The following GPC6 variants were observed in gnomAD, a reference collection of about 807,000 sequenced individuals.
GPC6 encodes the protein glypican 6, also known as glypican-6.
Under a neutral mutation model 55.2 loss-of-function variants are expected in GPC6, and 14 were observed. The ratio of observed to expected loss-of-function variants is 0.25; its 90% CI spans 0.17 to 0.40. The LOEUF (loss-of-function observed/expected upper bound fraction) is 0.40. GPC6 is among the 10% of genes least tolerant of loss of function. The probability of loss-of-function intolerance (pLI) is 1.00; values close to 1 mark genes in which losing one functional copy is unlikely to be tolerated. For synonymous variants in GPC6, 278 were observed against 259.6 expected (o/e 1.07, Z -0.68); for missense variants, 641 against 708.5 (o/e 0.90, Z 1.08).
Position 93,922,680 on chromosome 13 carries a change from T to C in GPC6, c.711+92135T>C, listed in dbSNP as rs116394188. Among the ~76,000 whole-genome samples the C allele has an allele frequency of 5.1e-3, 771 of 152,320 alleles. 7 individuals carry two copies. The highest frequency in any genetic ancestry group is 0.018 in the African/African-American group (736 of 41,568). Reference sequence around the variant, plus strand: ...AAATCTAAATTTACATAAAGATACATATGGCTAAAATGCATATAATTTTTG... The same window carrying C: ...AAATCTAAATTTACATAAAGATACACATGGCTAAAATGCATATAATTTTTG... On this transcript the variant is annotated intron_variant, in intron 3 of 8. Transcript: ENST00000377047.
intron 4 of GPC6, among the ~76,000 whole-genome samples, chr13:94,036,715 C>G (rs1212711313): frequency 2.0e-5 from 3 of 151,978 alleles, no homozygotes; most frequent in Non-Finnish European, 4.4e-5. Context: ...CTGAATGAAT[C>G]CCGGCAGTGA....
At chr13:93,217,161 T>C in the GPC6 span, among the ~76,000 whole-genome samples, 1 of 152,236 alleles carries the variant, frequency 6.6e-6, no homozygotes, top group Non-Finnish European at 1.5e-5. Flanking sequence ...TGTGATTCAT[T>C]AAGCTCTCAT....
intron 2 of GPC6, among the ~76,000 whole-genome samples, chr13:93,578,153 G>A (rs1157983061): frequency 1.3e-5 from 2 of 152,034 alleles, no homozygotes; most frequent in African/African-American, 2.4e-5. Flanking sequence ...ATATTGGCCT[G>A]CAGTTTTCTT....
rs182995794 is a variant in GPC6 at position 93,725,106 on chromosome 13, T to C, written c.320-105048T>C. Among the ~76,000 whole-genome samples the C allele has an allele frequency of 7.2e-5, 11 of 152,206 alleles. No individual in the cohort carries two copies. The East Asian group carries it at 1.9e-3, about 27-fold the overall frequency. The stretch of plus-strand genomic sequence containing the variant: ...TACCTAAAGAAGCTAGGTTTAGTCA[T>C]TTTTAATTGACTTTAAGTTATAAAA... On this transcript the variant is annotated intron_variant, in intron 2 of 8. Transcript: ENST00000377047.
chr13:93,240,219 T>G (rs918345810), intron 1 of GPC6, among the ~76,000 whole-genome samples: 1 of 152,122 alleles, frequency 6.6e-6, no homozygotes, highest in Non-Finnish European at 1.5e-5. Flanking sequence ...GCTAGTGTTG[T>G]GTTGAAGTCC....
chr13:94,282,452 A>T (rs1892411723), intron 4 of GPC6, among the ~76,000 whole-genome samples: 1 of 152,192 alleles, frequency 6.6e-6, no homozygotes, highest in Non-Finnish European at 1.5e-5. Flanking sequence ...TGATTCAATT[A>T]TCTCCCACTA....
At chr13:93,733,906 T>C (rs1883910633) in intron 2 of GPC6, among the ~76,000 whole-genome samples, 2 of 152,176 alleles carry the variant, frequency 1.3e-5, no homozygotes, top group South Asian at 4.1e-4. Flanking sequence ...TCTTTGCTCT[T>C]CTTCTTAGTT....
At chr13:94,181,565 C>A (rs1477875848) in intron 4 of GPC6, among the ~76,000 whole-genome samples, 1 of 152,118 alleles carries the variant, frequency 6.6e-6, no homozygotes, top group Non-Finnish European at 1.5e-5. Flanking sequence ...GACAGTCAGG[C>A]CCCAACAATT....
intron 1 of GPC6, among the ~76,000 whole-genome samples, chr13:93,464,090 A>G (rs1023579581): frequency 3.9e-5 from 6 of 152,192 alleles, no homozygotes; most frequent in South Asian, 2.1e-4. Flanking sequence ...CAACCGGTAC[A>G]TATCTTAATT....
chr13:93,317,967 T>G (rs1237456888), intron 1 of GPC6, among the ~76,000 whole-genome samples: 1 of 152,192 alleles, frequency 6.6e-6, no homozygotes, highest in African/African-American at 2.4e-5. Flanking sequence ...TAATGCTTTT[T>G]GTCATACTCA....
intron 1 of GPC6, among the ~76,000 whole-genome samples, chr13:93,263,107 A>T (rs1877206816): frequency 6.6e-6 from 1 of 152,094 alleles, no homozygotes; most frequent in South Asian, 2.1e-4. Flanking sequence ...GTGTTCTGGG[A>T]ACTGTCATGG....
chr13:93,610,358 C>T (rs1878411544), intron 2 of GPC6, among the ~76,000 whole-genome samples: 1 of 152,174 alleles, frequency 6.6e-6, no homozygotes, highest in Non-Finnish European at 1.5e-5. Context: ...ATGTATTTTA[C>T]ATCGCAACCC....
At chr13:93,828,303 C>G (rs1486736320) in intron 2 of GPC6, among the ~76,000 whole-genome samples, 3 of 151,964 alleles carry the variant, frequency 2.0e-5, no homozygotes, top group Non-Finnish European at 4.4e-5. Flanking sequence ...ATCAGCAAGG[C>G]CAAGCTACTT....
chr13:94,314,090 C>T (rs752971783), intron 6 of GPC6, among the ~76,000 whole-genome samples: 6 of 152,084 alleles, frequency 3.9e-5, no homozygotes, highest in African/African-American at 7.2e-5. Context: ...TTAGTGCTGG[C>T]GTCATCAAAA....
rs112068282 is a variant in GPC6 at position 94,031,064 on chromosome 13, ATGTGCG to A, written c.877+3187_877+3192del. ...TGCGTTTGTGCGTTTGTGCGTGTGC[ATGTGCG>A]TGTGCGTGTGCGTGTGTGTGTGCGT... On this transcript the variant is annotated intron_variant, in intron 4 of 8. Coordinates refer to ENST00000377047, the MANE Select transcript of GPC6 (RefSeq NM_005708.5). Among the ~76,000 whole-genome samples, 959 of 148,340 alleles carry A rather than the reference ATGTGCG, an allele frequency of 6.5e-3. 4 individuals carry two copies. The highest frequency in any genetic ancestry group is 8.9e-3 in the Non-Finnish European group (602 of 67,390).
At chr13:94,004,180 G>C (rs1053449709) in intron 3 of GPC6, among the ~76,000 whole-genome samples, 1 of 152,022 alleles carries the variant, frequency 6.6e-6, no homozygotes, top group Non-Finnish European at 1.5e-5. Flanking sequence ...TGCTGCTTTG[G>C]AGAGGAAATT....
chr13:93,663,611 C>G (rs1379072341), intron 2 of GPC6, among the ~76,000 whole-genome samples: 1 of 152,058 alleles, frequency 6.6e-6, no homozygotes, highest in African/African-American at 2.4e-5. Context: ...ATAGCAGTTG[C>G]TTTTGTTAAT....
intron 4 of GPC6, among the ~76,000 whole-genome samples, chr13:94,114,902 A>G (rs1374183439): frequency 1.3e-5 from 2 of 152,228 alleles, no homozygotes. Flanking sequence ...TTAGAAAACG[A>G]GACATAAAAG....
At chr13:93,976,314 A>G (rs1880512050) in intron 3 of GPC6, among the ~76,000 whole-genome samples, 1 of 141,618 alleles carries the variant, frequency 7.1e-6, no homozygotes, top group African/African-American at 2.8e-5. Flanking sequence ...TCTATGTCTT[A>G]AAGTAGACTT....
Sources: allele counts gnomAD v4.1 joint callset (sites outside exome capture counted in the v4.1 genomes callset), GRCh38; gene constraint gnomAD v4.1.1; transcripts MANE v1.5; gene names NCBI Gene and HGNC (gene_info 2026-07-23, HGNC 2026-07-21).